CALN1: variants seen among roughly 807,000 people sequenced by gnomAD.
The protein encoded by CALN1 is calcium-binding protein 8.
Under a neutral mutation model 30.6 loss-of-function variants are expected in CALN1, and 17 were observed. That is an observed-to-expected ratio of 0.56 (90% CI 0.38 to 0.83). The LOEUF is 0.83. CALN1 is among the 40% of genes least tolerant of loss of function. The probability of loss-of-function intolerance (pLI) is 0.00; values close to 1 mark genes in which losing one functional copy is unlikely to be tolerated. For synonymous variants in CALN1, 156 were observed against 131.4 expected, an observed-to-expected ratio of 1.19 and a Z score of -1.28; for missense variants, 291 against 354.9, an observed-to-expected ratio of 0.82 and a Z score of 1.45.
At chr7:71,811,925 C>T (rs952296569) in intron 5 of CALN1, among the ~76,000 whole-genome samples, 11 of 151,138 alleles carry the variant, frequency 7.3e-5, no homozygotes, top group African/African-American at 2.2e-4. Flanking sequence ...GTGATCCACC[C>T]GCCTCGGCCT....
chr7:71,781,330 T>C lies in CALN1; in HGVS notation c.*6445A>G, dbSNP rs965905091. 2.6e-5 allele frequency: 4 copies of C among 152,342 alleles called. No individual in the cohort carries two copies. Among genetic ancestry groups the C allele is most frequent in the African/African-American group, 9.6e-5 (4 of 41,460 alleles). The allele number at this position is 152,342 out of a possible 1,614,324, so 9.4% of individuals were successfully genotyped here. ...ACACTTTGAGTTCTTTCTTCTGCTC[T>C]CCTGGCCTCAGTTTAACAGGTCTGA... is the stretch of plus-strand genomic sequence containing the variant. On this transcript the variant is annotated 3_prime_UTR_variant, in exon 7 of 7. Transcript: ENST00000395275.
intron 5 of CALN1, among the ~76,000 whole-genome samples, chr7:72,014,609 G>A (rs17349645): frequency 0.057 from 8,623 of 152,198 alleles, 278 homozygotes; most frequent in Non-Finnish European, 0.075. Context: ...GAAATGTTCT[G>A]TACCTGTGTT....
chr7:72,193,341 G>A (rs900445024), intron 3 of CALN1, among the ~76,000 whole-genome samples: 1 of 152,040 alleles, frequency 6.6e-6, no homozygotes, highest in East Asian at 1.9e-4. Flanking sequence ...CTCCAGCCTG[G>A]GCAACAGAGA....
chr7:72,236,428 C>G (rs1794479274), intron 3 of CALN1, among the ~76,000 whole-genome samples: 1 of 152,212 alleles, frequency 6.6e-6, no homozygotes, highest in Non-Finnish European at 1.5e-5. Context: ...TCTCATCGAG[C>G]AAGTTCTACT....
chr7:72,307,306 T>C (rs192330349), intron 2 of CALN1, among the ~76,000 whole-genome samples: 29 of 152,282 alleles, frequency 1.9e-4, no homozygotes, highest in African/African-American at 6.5e-4. Flanking sequence ...TATTTTTGAG[T>C]TGACAGCATG....
chr7:72,499,842 T>C, the CALN1 span, among the ~76,000 whole-genome samples: 294 of 34,840 alleles, frequency 8.4e-3, 7 homozygotes, highest in East Asian at 0.016. Context: ...TCTTTCTTTC[T>C]TTCTTTCTTT....
In CALN1 at chr7:71,947,015, TTG is replaced by T. The variant is rs1283776532; in HGVS notation, c.501+76640_501+76641del. Among the ~76,000 whole-genome samples the T allele has an allele frequency of 2.0e-5, 3 of 152,136 alleles. No individual in the cohort carries two copies. The South Asian group carries it at 6.2e-4, about 32-fold the overall frequency. On this transcript the variant is annotated intron_variant, in intron 5 of 6. Coordinates refer to ENST00000395275, the MANE Select transcript of CALN1 (RefSeq NM_031468.4). ...GGGAGTTGTGTTTTTGTTGTTGTTGTTGTTTGTTTTTTTGAGACAGAGTCTCG... is the reference window on the plus strand; with the variant it reads ...GGGAGTTGTGTTTTTGTTGTTGTTGTTTTGTTTTTTTGAGACAGAGTCTCG...
At chr7:71,942,854 C>G (rs963835364) in intron 5 of CALN1, among the ~76,000 whole-genome samples, 1 of 152,126 alleles carries the variant, frequency 6.6e-6, no homozygotes, top group Non-Finnish European at 1.5e-5. Flanking sequence ...CAAAGTCACC[C>G]CTCTCTGCCC....
upstream of CALN1, among the ~76,000 whole-genome samples, chr7:72,413,366 C>T (rs1401937723): frequency 6.6e-6 from 1 of 151,896 alleles, no homozygotes; most frequent in Non-Finnish European, 1.5e-5. Flanking sequence ...CACTCATCCA[C>T]ACACACCCAC....
In CALN1 at chr7:71,991,142, G is replaced by A. The variant is rs550071484; in HGVS notation, c.501+32515C>T. Among the ~76,000 whole-genome samples, 4 of 151,938 alleles carry A rather than the reference G, an allele frequency of 2.6e-5. No individual in the cohort carries two copies. In the South Asian group the frequency reaches 8.3e-4, roughly 32 times the overall value. ...CCATAAGGCTGAGTAAGAACAAAACGAAAGCATAAGCAAGAATTAAAAAAG... is the reference window on the plus strand; with the variant it reads ...CCATAAGGCTGAGTAAGAACAAAACAAAAGCATAAGCAAGAATTAAAAAAG... On this transcript the variant is annotated intron_variant, in intron 5 of 6. Coordinates refer to ENST00000395275, the MANE Select transcript of CALN1 (RefSeq NM_031468.4).
the CALN1 span, among the ~76,000 whole-genome samples, chr7:72,471,499 C>T: frequency 6.6e-6 from 1 of 152,242 alleles, no homozygotes; most frequent in East Asian, 1.9e-4. Context: ...TGTGCTGGTG[C>T]TGGAAGCAGG....
chr7:72,399,436 A>C (rs902629681), intron 2 of CALN1, among the ~76,000 whole-genome samples: 1 of 151,602 alleles, frequency 6.6e-6, no homozygotes, highest in East Asian at 1.9e-4. Flanking sequence ...ACCCCCAGCT[A>C]ATTTTTGTAT....
intron 4 of CALN1, among the ~76,000 whole-genome samples, chr7:72,046,268 T>C (rs964530164): frequency 6.6e-6 from 1 of 152,068 alleles, no homozygotes; most frequent in African/African-American, 2.4e-5. Context: ...AAGGTCTCTT[T>C]TTCTTGCCCA....
chr7:72,437,728 T>C (rs1585729101), intron 1 of CALN1, among the ~76,000 whole-genome samples: 1 of 136,786 alleles, frequency 7.3e-6, no homozygotes. Flanking sequence ...CTTCTTTCCT[T>C]CCCCCCTCCC....
intron 5 of CALN1, among the ~76,000 whole-genome samples, chr7:71,852,442 G>C (rs1257460776): frequency 1.4e-5 from 2 of 146,158 alleles, no homozygotes; most frequent in African/African-American, 2.6e-5. Flanking sequence ...TTTGAGACCA[G>C]CCTGGGCATT....
chr7:71,894,018 C>T (rs572391645), intron 5 of CALN1, among the ~76,000 whole-genome samples: 16 of 151,988 alleles, frequency 1.1e-4, no homozygotes, highest in Non-Finnish European at 2.2e-4. Flanking sequence ...TGGCAAGACT[C>T]GTTTTTTATA....
intron 3 of CALN1, among the ~76,000 whole-genome samples, chr7:72,224,826 C>T (rs750253098): frequency 9.2e-5 from 14 of 151,786 alleles, no homozygotes; most frequent in South Asian, 8.3e-4. Flanking sequence ...CGGTGGCTCA[C>T]GCCTGTAATC....
intron 5 of CALN1, among the ~76,000 whole-genome samples, chr7:71,878,993 G>A (rs372516242): frequency 1.3e-5 from 2 of 152,170 alleles, no homozygotes; most frequent in African/African-American, 2.4e-5. Flanking sequence ...CAGTTTTGAC[G>A]ATGGCAGTGA....
In CALN1 at chr7:72,381,914, G is replaced by A. The variant is rs574042101; in HGVS notation, c.119+21337C>T. On this transcript the variant is annotated intron_variant, in intron 2 of 6. Transcript: ENST00000395275. ...CAAGAAATAAGCCAAACCCATAGAA[G>A]AGAGGATATCATAAGAAAAATGCTT... 5.9e-5 allele frequency among the ~76,000 whole-genome samples: 9 copies of A among 152,240 alleles called. No homozygotes were observed. In the South Asian group the frequency reaches 1.9e-3, roughly 32 times the overall value.
Sources: allele counts gnomAD v4.1 joint callset (sites outside exome capture counted in the v4.1 genomes callset), GRCh38; gene constraint gnomAD v4.1.1; transcripts MANE v1.5; gene names NCBI Gene and HGNC (gene_info 2026-07-23, HGNC 2026-07-21).